The following GRM1 variants were observed in gnomAD, a reference collection of about 807,000 sequenced individuals.
GRM1 encodes metabotropic glutamate receptor 1.
GRM1 carries 33 observed loss-of-function variants against 90.9 expected under a neutral mutation model. That is an observed-to-expected ratio of 0.36 (90% CI 0.28 to 0.49). GRM1 has a LOEUF of 0.49. GRM1 is among the 20% of genes least tolerant of loss of function. GRM1 has a pLI of 0.99. For synonymous variants in GRM1, 700 were observed against 613.2 expected, an observed-to-expected ratio of 1.14 and a Z score of -2.09; for missense variants, 1,190 against 1,534.3, an observed-to-expected ratio of 0.78 and a Z score of 3.75.
intron 1 of GRM1, among the ~76,000 whole-genome samples, chr6:146,101,407 C>G (rs1335885355): frequency 6.6e-6 from 1 of 152,158 alleles, no homozygotes; most frequent in African/African-American, 2.4e-5. Context: ...ATTACATGAA[C>G]ATAATTTGAA....
At chr6:146,351,624 G>T (rs1785414138) in intron 3 of GRM1, among the ~76,000 whole-genome samples, 1 of 152,154 alleles carries the variant, frequency 6.6e-6, no homozygotes, top group African/African-American at 2.4e-5. Flanking sequence ...AAATTAATGT[G>T]TAGTGTGACT....
intron 1 of GRM1, among the ~76,000 whole-genome samples, chr6:146,068,114 A>T (rs374839282): frequency 8.2e-5 from 12 of 146,046 alleles, no homozygotes; most frequent in Non-Finnish European, 1.4e-4. Flanking sequence ...CCTTCAAATA[A>T]TTTTTTTTTT....
At chr6:146,412,032 T>A (rs1445741291) in intron 7 of GRM1, among the ~76,000 whole-genome samples, 1 of 152,166 alleles carries the variant, frequency 6.6e-6, no homozygotes, top group Non-Finnish European at 1.5e-5. Context: ...CTTCATTTGA[T>A]GCCATCAAAT....
At chr6:146,328,857 C>T (rs995048739) in intron 3 of GRM1, among the ~76,000 whole-genome samples, 2 of 152,072 alleles carry the variant, frequency 1.3e-5, no homozygotes, top group African/African-American at 4.8e-5. Flanking sequence ...TCATTTGATC[C>T]TTACCTAAGG....
rs116467657 is a variant in GRM1 at position 146,209,598 on chromosome 6, G to T, written c.950+50001G>T. 7.5e-4 allele frequency among the ~76,000 whole-genome samples: 114 copies of T among 152,238 alleles called. 1 individual carries two copies. The highest frequency in any genetic ancestry group is 2.6e-3 in the African/African-American group (110 of 41,550). On this transcript the variant is annotated intron_variant, in intron 2 of 7. Coordinates refer to ENST00000282753, the MANE Select transcript of GRM1 (RefSeq NM_001278064.2). ...TAGATTTGAAAGATTCATGGAAAAT[G>T]GTTTGGAGGCAAGTTACACAAAACA...
At chr6:146,327,567 T>A (rs1784437373) in intron 3 of GRM1, among the ~76,000 whole-genome samples, 1 of 152,194 alleles carries the variant, frequency 6.6e-6, no homozygotes, top group East Asian at 1.9e-4. Context: ...TTACAAAGGC[T>A]ATTTTCTATA....
chr6:146,316,093 G>T (rs975405922), intron 3 of GRM1, among the ~76,000 whole-genome samples: 1 of 152,156 alleles, frequency 6.6e-6, no homozygotes, highest in South Asian at 2.1e-4. Flanking sequence ...CCTGACAAGA[G>T]TCTCCCTGGG....
chr6:146,426,666 T>C lies in GRM1; in HGVS notation c.2661-7206T>C. On this transcript the variant is annotated intron_variant, in intron 7 of 7. Coordinates refer to ENST00000282753, the MANE Select transcript of GRM1 (RefSeq NM_001278064.2). Reference sequence around the variant, plus strand: ...TGTGTAAGAGAAGCTGCATGGAAAATCTAGTGTTTTGCCCCTTGCTTTCTC... The same window carrying C: ...TGTGTAAGAGAAGCTGCATGGAAAACCTAGTGTTTTGCCCCTTGCTTTCTC... 2.6e-6 allele frequency: 3 copies of C among 1,173,014 alleles called. 1 individual carries two copies. Among genetic ancestry groups the C allele is most frequent in the Middle Eastern group, 3.8e-4 (2 of 5,226 alleles). The allele number at this position is 1,173,014 out of a possible 1,614,324, so 72.7% of individuals were successfully genotyped here.
chr6:146,355,999 A>G (rs1228086748), intron 4 of GRM1, among the ~76,000 whole-genome samples: 1 of 152,192 alleles, frequency 6.6e-6, no homozygotes, highest in East Asian at 1.9e-4. Context: ...CAGAACTAGT[A>G]AGGAGCAACC....
chr6:146,390,041 A>G (rs1235231706), intron 6 of GRM1, among the ~76,000 whole-genome samples: 2 of 152,084 alleles, frequency 1.3e-5, no homozygotes, highest in Admixed American at 1.3e-4. Flanking sequence ...AAGTAAACGC[A>G]TTGCCTTTAA....
intron 6 of GRM1, among the ~76,000 whole-genome samples, chr6:146,396,529 T>A (rs1457118187): frequency 6.6e-6 from 1 of 152,168 alleles, no homozygotes; most frequent in East Asian, 1.9e-4. Context: ...CTTCTTAGGC[T>A]TACATGTTCC....
chr6:146,205,809 G>A (rs1004100714), intron 2 of GRM1, among the ~76,000 whole-genome samples: 2 of 152,152 alleles, frequency 1.3e-5, no homozygotes, highest in African/African-American at 4.8e-5. Context: ...CTGAGGTTCA[G>A]CCTTACCCTG....
chr6:146,220,699 A>G (rs1346581847), intron 2 of GRM1, among the ~76,000 whole-genome samples: 1 of 151,940 alleles, frequency 6.6e-6, no homozygotes, highest in South Asian at 2.1e-4. Context: ...CCCATGTGCC[A>G]TAAGCTGGGA....
At chr6:146,252,802 C>T (rs984946303) in intron 2 of GRM1, among the ~76,000 whole-genome samples, 2 of 152,056 alleles carry the variant, frequency 1.3e-5, no homozygotes, top group African/African-American at 4.8e-5. Context: ...TGGCTCACAT[C>T]TGTAATCCCA....
At chr6:146,028,638 C>G (rs1188839188), upstream of GRM1, among the ~76,000 whole-genome samples, 1 of 152,092 alleles carries the variant, frequency 6.6e-6, no homozygotes, top group Admixed American at 6.6e-5. Flanking sequence ...GGAGACTTTA[C>G]CAGGCGTTGC....
At chr6:146,123,205 G>T (rs1776066377) in intron 1 of GRM1, among the ~76,000 whole-genome samples, 1 of 152,056 alleles carries the variant, frequency 6.6e-6, no homozygotes, top group Non-Finnish European at 1.5e-5. Flanking sequence ...TCTAACACCA[G>T]TTTTCACATT....
intron 1 of GRM1, among the ~76,000 whole-genome samples, chr6:146,078,365 A>T (rs1369172817): frequency 6.6e-6 from 1 of 152,200 alleles, no homozygotes; most frequent in Non-Finnish European, 1.5e-5. Context: ...TGAATAACTC[A>T]CTTGAAATAG....
chr6:146,387,081 C>T (rs1174150947), intron 6 of GRM1, 65 bp downstream of exon 6: 1 of 1,460,206 alleles, frequency 6.8e-7, no homozygotes, highest in African/African-American at 1.4e-5. Flanking sequence ...GTCCATCCCT[C>T]AAATGAGAAT....
intron 2 of GRM1, among the ~76,000 whole-genome samples, chr6:146,195,910 C>T (rs951982357): frequency 6.6e-6 from 1 of 152,138 alleles, no homozygotes; most frequent in Non-Finnish European, 1.5e-5. Context: ...GATTCAACAG[C>T]AGGAGGTACT....
Sources: gnomAD v4.1 joint callset for allele counts (sites outside exome capture counted in the v4.1 genomes callset) on GRCh38, gnomAD v4.1.1 for gene constraint, MANE v1.5 for transcripts, NCBI Gene and HGNC (gene_info 2026-07-23, HGNC 2026-07-21) for gene names.